The following SLC9A8 variants were observed in gnomAD, a reference collection of about 807,000 sequenced individuals.
SLC9A8 encodes sodium/hydrogen exchanger 8.
Under a neutral mutation model 66.6 loss-of-function variants are expected in SLC9A8, and 48 were observed. The ratio of observed to expected loss-of-function variants is 0.72; its 90% CI spans 0.57 to 0.92. The LOEUF (loss-of-function observed/expected upper bound fraction) is 0.92. Among genes scored for constraint, SLC9A8 ranks in the 40% least tolerant of loss-of-function variants. The pLI, the probability that SLC9A8 is intolerant of heterozygous loss-of-function variation, is 0.00. For missense variants in SLC9A8, 599 were observed against 747.3 expected (o/e 0.80, Z 2.31); for synonymous variants, 274 against 282.6 (o/e 0.97, Z 0.31).
rs1201373402 is a variant in SLC9A8 at position 49,845,068 on chromosome 20, C to T, written c.381C>T (p.Phe127=). Residue 127 remains phenylalanine (F), a synonymous_variant, in exon 5 of 16, where the codon TTC becomes TTT. Transcript: ENST00000361573. ...EEEMFRPNMF[F]LLLLPPIIFE... ...AAATGTTTCGTCCAAACATGTTTTT[C>T]CTCCTCCTGCTTCCCCCTATTATCT... 6.2e-7 allele frequency: 1 copy of T among 1,613,212 alleles called. No homozygotes were observed. The highest frequency in any genetic ancestry group is 8.5e-7 in the Non-Finnish European group (1 of 1,179,328).
chr20:49,845,825 A>T (rs6020083), intron 5 of SLC9A8, among the ~76,000 whole-genome samples: 64,565 of 150,428 alleles, frequency 0.43, 14,542 homozygotes, highest in African/African-American at 0.57. Flanking sequence ...CCAGTGTGAG[A>T]TGTTTTTTTT....
intron 12 of SLC9A8, 28 bp from the exon 13 acceptor site, chr20:49,880,896 C>T: frequency 3.3e-6 from 5 of 1,495,158 alleles, no homozygotes; most frequent in Non-Finnish European, 4.7e-6. Context: ...ATGTTTTCAC[C>T]TAAGACTTAG....
In SLC9A8 at chr20:49,834,310, G is replaced by GTGTGTATATATATATATAC. The variant is rs1568812393; in HGVS notation, c.290-5208_290-5190dup. Among the ~76,000 whole-genome samples, 2 of 114,684 alleles carry GTGTGTATATATATATATAC rather than the reference G, an allele frequency of 1.7e-5. 1 individual carries two copies. The highest frequency in any genetic ancestry group is 3.6e-5 in the Non-Finnish European group (2 of 55,204). The allele number at this position is 114,684 out of a possible 152,430, so 75.2% of individuals were successfully genotyped here. On this transcript the variant is annotated intron_variant, in intron 3 of 15. Transcript: ENST00000361573. ...TGTATATACACACACTATATATACA[G>GTGTGTATATATATATATAC]TGTGTATATATATATATACTGTGTA...
At position 49,857,607 on chromosome 20, in the gene SLC9A8, A is replaced by G. The variant is rs770320484; in HGVS notation, c.713+2026A>G. On this transcript the variant is annotated intron_variant, in intron 8 of 15. Coordinates refer to ENST00000361573, the MANE Select transcript of SLC9A8 (RefSeq NM_015266.3). ...GTGGCGCACGCCTGTAATCCCAGCT[A>G]CTCGAGAGGCTGAGGCAGGAGAATC... Among the ~76,000 whole-genome samples the G allele has an allele frequency of 5.8e-4, 89 of 152,262 alleles. 2 individuals carry two copies. The highest frequency in any genetic ancestry group is 3.4e-3 in the Middle Eastern group (1 of 294).
At chr20:49,867,448 TC>T (rs1056755827) in intron 10 of SLC9A8, among the ~76,000 whole-genome samples, 1 of 152,178 alleles carries the variant, frequency 6.6e-6, no homozygotes, top group African/African-American at 2.4e-5. Context: ...CGCAAACTAT[TC>T]CCACCCATGT....
intron 1 of SLC9A8, among the ~76,000 whole-genome samples, chr20:49,813,335 C>T (rs902035316): frequency 1.3e-5 from 2 of 152,222 alleles, no homozygotes; most frequent in Non-Finnish European, 2.9e-5. Context: ...TCCTGTATAA[C>T]GATCAGTTTT....
Position 49,884,274 on chromosome 20 carries a change from G to GACACACACGACAC in SLC9A8, c.1491+216_1491+217insGACACACACACAC, listed in dbSNP as rs1568883972. The GACACACACGACAC allele has an allele frequency of 3.8e-4, 46 of 120,406 alleles. 1 individual carries two copies. Among genetic ancestry groups the GACACACACGACAC allele is most frequent in the South Asian group, 7.1e-4 (14 of 19,648 alleles). 7.5% of individuals were successfully genotyped at this position (120,406 alleles called of 1,614,324 possible). A position where few individuals can be genotyped will look rare whatever the true frequency, so the allele number is the denominator to read the frequency against. On this transcript the variant is annotated intron_variant, in intron 14 of 15. Coordinates refer to ENST00000361573, the MANE Select transcript of SLC9A8 (RefSeq NM_015266.3). Reference sequence around the variant, plus strand: ...ACACACACACGACACACACACACACGACACACACACACACGACACACACAC... The same window carrying GACACACACGACAC: ...ACACACACACGACACACACACACACGACACACACGACACACACACACACACACGACACACACAC...
At chr20:49,829,380 C>A in intron 3 of SLC9A8, 1 of 159,484 alleles carries the variant, frequency 6.3e-6, no homozygotes, top group South Asian at 1.7e-4. Flanking sequence ...AAAAAATTAG[C>A]CAGGCGTGGT....
chr20:49,884,229 C>CACGCG (rs1555848229), intron 14 of SLC9A8, 163 bp downstream of exon 14: 3 of 222,628 alleles, frequency 1.3e-5, no homozygotes, highest in South Asian at 9.4e-5. Flanking sequence ...CACACACACA[C>CACGCG]ACACACACAC....
chr20:49,837,356 A>G (rs2087578262), intron 3 of SLC9A8, among the ~76,000 whole-genome samples: 1 of 152,202 alleles, frequency 6.6e-6, no homozygotes, highest in African/African-American at 2.4e-5. Flanking sequence ...AATGTTGGCA[A>G]AATAAACTTC....
At chr20:49,851,330 A>C (rs898180551) in intron 7 of SLC9A8, among the ~76,000 whole-genome samples, 1 of 151,980 alleles carries the variant, frequency 6.6e-6, no homozygotes. Flanking sequence ...ATCTGAAGCC[A>C]CTCCCGTGAG....
intron 8 of SLC9A8, among the ~76,000 whole-genome samples, chr20:49,858,744 GGT>G (rs2088609123): frequency 6.6e-6 from 1 of 151,938 alleles, no homozygotes; most frequent in Admixed American, 6.6e-5. Context: ...GATCACCTGA[GGT>G]CAGGAGTTTG....
At position 49,889,287 on chromosome 20, in the gene SLC9A8, A is replaced by G. The variant is rs1398159336; in HGVS notation, c.*1351A>G. The G allele has an allele frequency of 1.3e-5, 2 of 152,274 alleles. No individual in the cohort carries two copies. Among genetic ancestry groups the G allele is most frequent in the East Asian group, 3.9e-4 (2 of 5,194 alleles). 9.4% of individuals were successfully genotyped at this position (152,274 alleles called of 1,614,324 possible). ...TGGGGTGGTTTAATTCATCATTAAGAAGCATTCCTGCTTCTCAAGGGACAC... is the reference window on the plus strand; with the variant it reads ...TGGGGTGGTTTAATTCATCATTAAGGAGCATTCCTGCTTCTCAAGGGACAC... On this transcript the variant is annotated 3_prime_UTR_variant, in exon 16 of 16. Coordinates refer to ENST00000361573, the MANE Select transcript of SLC9A8 (RefSeq NM_015266.3).
Position 49,863,028 on chromosome 20 carries a change from T to C in SLC9A8, c.813T>C (p.Ser271=). 1 of 1,614,080 alleles carries C rather than the reference T, an allele frequency of 6.2e-7. No homozygotes were observed. Among genetic ancestry groups the C allele is most frequent in the South Asian group, 1.1e-5 (1 of 91,054 alleles). The change falls in exon 9 of 16, where the codon TCT becomes TCC. Residue 271 remains serine (S), a synonymous_variant. Coordinates refer to ENST00000361573, the MANE Select transcript of SLC9A8 (RefSeq NM_015266.3). ...ACTTCCTCAAAATGTTCTTTGGCTC[T>C]GCAGCGCTCGGCACTCTCACTGGCT... ...LDYFLKMFFG[S]AALGTLTGLI... is the part of the protein sequence containing the mutation.
At chr20:49,879,799 C>CAA (rs3091549) in intron 12 of SLC9A8, among the ~76,000 whole-genome samples, 1 of 143,896 alleles carries the variant, frequency 6.9e-6, no homozygotes, top group Non-Finnish European at 1.5e-5. Flanking sequence ...CACTCCATCT[C>CAA]AAAAAAAAAA....
At chr20:49,856,123 A>G (rs1442722226) in intron 8 of SLC9A8, among the ~76,000 whole-genome samples, 1 of 152,032 alleles carries the variant, frequency 6.6e-6, no homozygotes, top group Non-Finnish European at 1.5e-5. Context: ...GCCTTTTAGT[A>G]GTGGTTTCTG....
At position 49,815,196 on chromosome 20, in the gene SLC9A8, A is replaced by G. The variant is rs1170421773; in HGVS notation, c.208+7A>G. The G allele has an allele frequency of 1.2e-5, 18 of 1,534,744 alleles. No homozygotes were observed. The highest frequency in any genetic ancestry group is 1.6e-5 in the Non-Finnish European group (18 of 1,137,294). On this transcript the variant is annotated splice_region_variant and intron_variant, in intron 2 of 15. Transcript: ENST00000361573. ...TTCAGCCTCCTTGTCCTAGGTGAAT[A>G]TGGACACTGTCATCCCCATCATCTG... is the stretch of plus-strand genomic sequence containing the variant.
chr20:49,857,469 T>G (rs972284682), intron 8 of SLC9A8, among the ~76,000 whole-genome samples: 5 of 152,038 alleles, frequency 3.3e-5, no homozygotes, highest in Admixed American at 2.6e-4. Flanking sequence ...TGTAATCCCA[T>G]CACTTTGGGA....
chr20:49,872,095 G>A (rs950500622), intron 10 of SLC9A8, among the ~76,000 whole-genome samples: 37 of 152,054 alleles, frequency 2.4e-4, no homozygotes, highest in African/African-American at 8.5e-4. Context: ...CTCCAGCCTG[G>A]GTGACAAGAG....
Sources: gnomAD v4.1 joint callset for allele counts (sites outside exome capture counted in the v4.1 genomes callset) on GRCh38, gnomAD v4.1.1 for gene constraint, MANE v1.5 for transcripts, NCBI Gene and HGNC (gene_info 2026-07-23, HGNC 2026-07-21) for gene names.